Variants in DHX32 observed in about 807,000 individuals in gnomAD.
DHX32 encodes the protein putative pre-mRNA-splicing factor ATP-dependent RNA helicase DHX32.
A neutral mutation model predicts 70.0 loss-of-function variants in DHX32; 51 were observed. The observed-to-expected ratio is 0.73, with a 90% CI of 0.58 to 0.92. The LOEUF (loss-of-function observed/expected upper bound fraction) is 0.92. DHX32 is among the 40% of genes least tolerant of loss of function. DHX32 has a pLI of 0.00. For synonymous variants in DHX32, 310 were observed against 315.3 expected, an observed-to-expected ratio of 0.98 and a Z score of 0.18; for missense variants, 762 against 891.8, an observed-to-expected ratio of 0.85 and a Z score of 1.85.
chr10:125,867,766 A>G (rs1019794938), intron 1 of DHX32, among the ~76,000 whole-genome samples: 1 of 127,424 alleles, frequency 7.8e-6, no homozygotes, highest in African/African-American at 2.7e-5. Context: ...CAAGGACAAA[A>G]ATGAAAAAAA....
At chr10:125,867,593 A>T (rs139956891) in intron 1 of DHX32, among the ~76,000 whole-genome samples, 5 of 152,014 alleles carry the variant, frequency 3.3e-5, no homozygotes, top group African/African-American at 1.2e-4. Context: ...AAAATTAGCT[A>T]GGCGTGGTGG....
intron 1 of DHX32, among the ~76,000 whole-genome samples, chr10:125,873,982 T>G (rs186672334): frequency 6.6e-6 from 1 of 152,186 alleles, no homozygotes; most frequent in Non-Finnish European, 1.5e-5. Context: ...TCATGGGAAA[T>G]TTCAGGACAA....
chr10:125,874,419 A>G (rs1944272481), intron 1 of DHX32, among the ~76,000 whole-genome samples: 1 of 152,240 alleles, frequency 6.6e-6, no homozygotes, highest in Admixed American at 6.5e-5. Context: ...ATTCATTGAA[A>G]TAATTGAGAA....
intron 1 of DHX32, among the ~76,000 whole-genome samples, chr10:125,892,726 C>T (rs79009108): frequency 0.019 from 1,775 of 93,358 alleles, no homozygotes; most frequent in East Asian, 0.063. Context: ...CAATAACAGC[C>T]CTTTATATTA....
In DHX32 at chr10:125,877,960, A is replaced by C. The variant is rs953413015; in HGVS notation, c.282+2583T>G. Among the ~76,000 whole-genome samples the C allele has an allele frequency of 2.6e-5, 4 of 152,224 alleles. No homozygotes were observed. In the South Asian group the frequency reaches 6.2e-4, roughly 24 times the overall value. On this transcript the variant is annotated intron_variant, in intron 1 of 10. Transcript: ENST00000284690. ...AGAAATGGGACTTCTTATTATTCAC[A>C]CTATATGGTCTATTCTAATTCTTAC...
chr10:125,874,879 T>C (rs1327262479), intron 1 of DHX32, among the ~76,000 whole-genome samples: 1 of 152,048 alleles, frequency 6.6e-6, no homozygotes, highest in Non-Finnish European at 1.5e-5. Context: ...GACGTGTGTA[T>C]ATTGCACTCA....
chr10:125,854,143 C>G lies in DHX32; in HGVS notation c.910G>C (p.Glu304Gln). 6.2e-7 allele frequency: 1 copy of G among 1,613,810 alleles called. No homozygotes were observed. The highest frequency in any genetic ancestry group is 8.5e-7 in the Non-Finnish European group (1 of 1,179,960). ...QGSNLNPDLG[E>Q]LVVVPLYPKE... ...GGATACAAAGGAACAACCACCAGTT[C>G]TCCAAGATCTGGGTTTAGGTTAGAT... is the stretch of plus-strand genomic sequence containing the variant. Residue 304 changes from glutamate (E) to glutamine (Q), a missense_variant, in exon 4 of 11, where the codon GAA becomes CAA. Glu to Gln is a conservative substitution (Grantham distance 29). This residue lies in a region of DHX32 where 394 missense variants were observed against 473.1 expected (regional missense o/e 0.83). Coordinates refer to ENST00000284690, the MANE Select transcript of DHX32 (RefSeq NM_018180.3).
At chr10:125,877,788 A>G (rs1944292793) in intron 1 of DHX32, among the ~76,000 whole-genome samples, 1 of 152,184 alleles carries the variant, frequency 6.6e-6, no homozygotes, top group Non-Finnish European at 1.5e-5. Flanking sequence ...TCCAATTCAG[A>G]AAGCTACTGA....
chr10:125,845,800 C>T (rs1301787125), intron 6 of DHX32, among the ~76,000 whole-genome samples: 1 of 152,266 alleles, frequency 6.6e-6, no homozygotes, highest in Non-Finnish European at 1.5e-5. Context: ...AGTATCCCCA[C>T]TGCCCTCCCA....
chr10:125,844,699 G>A (rs904882463), intron 6 of DHX32, among the ~76,000 whole-genome samples: 1 of 152,210 alleles, frequency 6.6e-6, no homozygotes, highest in African/African-American at 2.4e-5. Context: ...GGGCAGTGCT[G>A]CTTAAGTATA....
intron 3 of DHX32, among the ~76,000 whole-genome samples, chr10:125,857,587 C>T (rs536289760): frequency 6.6e-6 from 1 of 152,286 alleles, no homozygotes; most frequent in African/African-American, 2.4e-5. Context: ...AATTACATAC[C>T]TCTCCAAGTC....
rs1253994796 is a variant in DHX32 at position 125,850,391 on chromosome 10, C to CT, written c.1351+1901dup. ...TTTTTTTTTGAGACAGAGTTTTGCTCTTGTTGCCCAGGCTGCAGTGCAATG... is the reference window on the plus strand; with the variant it reads ...TTTTTTTTTGAGACAGAGTTTTGCTCTTTGTTGCCCAGGCTGCAGTGCAATG... On this transcript the variant is annotated intron_variant, in intron 6 of 10. Coordinates refer to ENST00000284690, the MANE Select transcript of DHX32 (RefSeq NM_018180.3). 2.0e-4 allele frequency among the ~76,000 whole-genome samples: 23 copies of CT among 117,644 alleles called. 1 individual carries two copies. Among genetic ancestry groups the CT allele is most frequent in the Non-Finnish European group, 3.4e-5 (2 of 59,036 alleles). The allele number at this position is 117,644 out of a possible 152,430, so 77.2% of individuals were successfully genotyped here. A position where few individuals can be genotyped will look rare whatever the true frequency, so the allele number is the denominator to read the frequency against.
intron 2 of DHX32, among the ~76,000 whole-genome samples, chr10:125,865,576 C>T (rs1314490295): frequency 6.6e-6 from 1 of 152,094 alleles, no homozygotes. Context: ...GTCACCCAGG[C>T]AGGAGTGCAG....
rs374329752 is a variant in DHX32, at chr10:125,855,512, G to A, written c.850-1309C>T. ...TGCCCAGGCTGGAGTGCAGTGGCCC[G>A]ATCTCAGCTCACTGCAAGCTCTGCC... On this transcript the variant is annotated intron_variant, in intron 3 of 10. Transcript: ENST00000284690. Among the ~76,000 whole-genome samples, 31 of 141,886 alleles carry A rather than the reference G, an allele frequency of 2.2e-4. 1 individual carries two copies. The highest frequency in any genetic ancestry group is 6.7e-4 in the East Asian group (3 of 4,476). The allele number at this position is 141,886 out of a possible 152,430, so 93.1% of individuals were successfully genotyped here.
In DHX32 at chr10:125,844,268, C is replaced by T. The variant is rs184559201; in HGVS notation, c.1352-2334G>A. On this transcript the variant is annotated intron_variant, in intron 6 of 10. Transcript: ENST00000284690. ...GAGCAGGAAGGGGCTGGAGTACAAA[C>T]TTAACTACTGAAAGCTTTTCAGAAA... Among the ~76,000 whole-genome samples the T allele has an allele frequency of 3.2e-4, 49 of 152,322 alleles. No individual in the cohort carries two copies. The East Asian group carries it at 8.3e-3, about 26-fold the overall frequency.
chr10:125,889,258 C>A (rs1163343341), intron 1 of DHX32, among the ~76,000 whole-genome samples: 1 of 152,124 alleles, frequency 6.6e-6, no homozygotes, highest in Non-Finnish European at 1.5e-5. Context: ...AATTTCTGAG[C>A]CCGCTTTGCA....
intron 3 of DHX32, among the ~76,000 whole-genome samples, chr10:125,856,318 A>G (rs949258235): frequency 6.6e-6 from 1 of 152,220 alleles, no homozygotes. Flanking sequence ...AAAACCTCCA[A>G]CCTAAAAACA....
At chr10:125,867,723 A>G (rs1398895768) in intron 1 of DHX32, among the ~76,000 whole-genome samples, 58 of 149,374 alleles carry the variant, frequency 3.9e-4, no homozygotes, top group South Asian at 1.3e-3. Context: ...GCGACAGAGC[A>G]AGACTCCGTC....
chr10:125,887,857 A>G (rs1264278766), intron 1 of DHX32, among the ~76,000 whole-genome samples: 1 of 152,186 alleles, frequency 6.6e-6, no homozygotes, highest in African/African-American at 2.4e-5. Flanking sequence ...GTAACAGTTT[A>G]TGGCAAAAGG....
Sources: allele counts gnomAD v4.1 joint callset (sites outside exome capture counted in the v4.1 genomes callset), GRCh38; gene constraint gnomAD v4.1.1; regional missense constraint gnomAD v4.1.1; transcripts MANE v1.5; gene names NCBI Gene and HGNC (gene_info 2026-07-23, HGNC 2026-07-21).